SBNO1: variants seen among roughly 807,000 people sequenced by gnomAD.
SBNO1 encodes protein strawberry notch homolog 1.
In SBNO1, 23 loss-of-function variants were observed where a neutral mutation model predicts 173.6. That is an observed-to-expected ratio of 0.13 (90% confidence interval 0.10 to 0.19). The LOEUF is 0.19. Among genes scored for constraint, SBNO1 ranks in the 10% least tolerant of loss-of-function variants. SBNO1 has a pLI of 1.00. For missense variants in SBNO1, 1,238 were observed against 1,671.2 expected, an observed-to-expected ratio of 0.74 and a Z score of 4.52; for synonymous variants, 632 against 571.5, an observed-to-expected ratio of 1.11 and a Z score of -1.51.
At chr12:123,342,359 G>C (rs1045357664) in intron 4 of SBNO1, among the ~76,000 whole-genome samples, 1 of 152,056 alleles carries the variant, frequency 6.6e-6, no homozygotes, top group Non-Finnish European at 1.5e-5. Context: ...GCTGAGGCAG[G>C]AGAATGGCAT....
intron 20 of SBNO1, 33 bp downstream of exon 20, chr12:123,319,864 GTTC>G (rs771559700): frequency 5.9e-5 from 94 of 1,597,942 alleles, no homozygotes; most frequent in Non-Finnish European, 7.7e-5. Context: ...TACAGGCATT[GTTC>G]TTTTCACTGA....
At chr12:123,314,602 C>CA (rs1424822681) in intron 23 of SBNO1, among the ~76,000 whole-genome samples, 1 of 151,720 alleles carries the variant, frequency 6.6e-6, no homozygotes, top group Non-Finnish European at 1.5e-5. Flanking sequence ...TGCTGGATTA[C>CA]AGGCGTGAGC....
chr12:123,319,203 G>A (rs377059866), intron 20 of SBNO1, among the ~76,000 whole-genome samples: 1 of 152,034 alleles, frequency 6.6e-6, no homozygotes, highest in Admixed American at 6.6e-5. Context: ...CTGACCTCAT[G>A]ATCTGCCCAT....
chr12:123,343,677 A>C (rs1185565919), intron 4 of SBNO1, among the ~76,000 whole-genome samples: 1 of 151,830 alleles, frequency 6.6e-6, no homozygotes, highest in African/African-American at 2.4e-5. Context: ...AGCTGGAATT[A>C]CAGGTGCCCA....
At chr12:123,348,757 C>T (rs1873522456) in intron 2 of SBNO1, among the ~76,000 whole-genome samples, 1 of 151,754 alleles carries the variant, frequency 6.6e-6, no homozygotes, top group African/African-American at 2.4e-5. Flanking sequence ...CAGAGCGAGA[C>T]TCGGTCTCAA....
At chr12:123,348,951 C>A (rs1873552339) in intron 2 of SBNO1, 1 of 146,998 alleles carries the variant, frequency 6.8e-6, no homozygotes, top group African/African-American at 2.5e-5. Flanking sequence ...CAGAGTGAGA[C>A]TCTGTCTCAA....
Position 123,345,349 on chromosome 12 carries a change from CTGAACT to C in SBNO1, c.453_458del (p.Val152_Gln153del). ...TATTATTTTTCAGTAGATCTTTAAG[CTGAACT>C]TGGTCTTTTGAAGGTGCAGAGGTCA... On this transcript the variant is annotated inframe_deletion, in exon 4 of 32. Coordinates refer to ENST00000602398, the MANE Select transcript of SBNO1 (RefSeq NM_001167856.3). 7 of 1,614,102 alleles carry C rather than the reference CTGAACT, an allele frequency of 4.3e-6. No individual in the cohort carries two copies. The highest frequency in any genetic ancestry group is 5.9e-6 in the Non-Finnish European group (7 of 1,179,990).
rs373965053 is a variant in SBNO1 at position 123,300,313 on chromosome 12, G to C, written c.3846-2142C>G. Among the ~76,000 whole-genome samples, 14 of 152,218 alleles carry C rather than the reference G, an allele frequency of 9.2e-5. No homozygotes were observed. In the East Asian group the frequency reaches 1.7e-3, roughly 19 times the overall value. ...CGGCCTCAAGCAATCCTCTCATCTT[G>C]ATCTCCCAAAGTGCTAGGAGCCACT... On this transcript the variant is annotated intron_variant, in intron 30 of 31. Transcript: ENST00000602398.
intron 5 of SBNO1, among the ~76,000 whole-genome samples, chr12:123,338,464 C>T (rs1049970299): frequency 1.3e-5 from 2 of 151,668 alleles, no homozygotes; most frequent in African/African-American, 2.4e-5. Context: ...GGGTGAATCA[C>T]GAGGTCAGGA....
At chr12:123,329,979 T>C (rs1234799148) in intron 9 of SBNO1, among the ~76,000 whole-genome samples, 1 of 152,202 alleles carries the variant, frequency 6.6e-6, no homozygotes, top group Non-Finnish European at 1.5e-5. Context: ...CTCAAGTCCA[T>C]TAGCTGTACA....
chr12:123,321,089 G>A (rs1035914488), intron 17 of SBNO1, among the ~76,000 whole-genome samples: 1 of 152,198 alleles, frequency 6.6e-6, no homozygotes, highest in Admixed American at 6.5e-5. Context: ...ACAGGTATGT[G>A]CCACCACACC....
At chr12:123,315,483 C>T in intron 22 of SBNO1, 39 bp from the exon 23 acceptor site, 1 of 1,591,968 alleles carries the variant, frequency 6.3e-7, no homozygotes, top group Non-Finnish European at 8.6e-7. Flanking sequence ...CACAGGTAAC[C>T]TTTTACCAGA....
chr12:123,315,118 C>T (rs1402400372), intron 23 of SBNO1, among the ~76,000 whole-genome samples: 1 of 152,196 alleles, frequency 6.6e-6, no homozygotes, highest in African/African-American at 2.4e-5. Context: ...TCCTTTGCTT[C>T]TGAGAACTCA....
At chr12:123,312,653 C>A (rs1303925126) in intron 24 of SBNO1, among the ~76,000 whole-genome samples, 2 of 151,100 alleles carry the variant, frequency 1.3e-5, no homozygotes, top group African/African-American at 4.9e-5. Flanking sequence ...GGAGGTTGCA[C>A]TGAGCCAAGA....
In SBNO1 at chr12:123,299,613, G is replaced by A. The variant is rs563174220; in HGVS notation, c.3846-1442C>T. 7.6e-4 allele frequency among the ~76,000 whole-genome samples: 112 copies of A among 146,900 alleles called. 1 individual carries two copies. Among genetic ancestry groups the A allele is most frequent in the Admixed American group, 2.2e-3 (30 of 13,636 alleles). On this transcript the variant is annotated intron_variant, in intron 30 of 31. Transcript: ENST00000602398. ...GAAGAATGGCGTAAACCTCAGAGGCGGAGCTTGCAGTGAGCCAAGATCAGG... is the reference window on the plus strand; with the variant it reads ...GAAGAATGGCGTAAACCTCAGAGGCAGAGCTTGCAGTGAGCCAAGATCAGG...
intron 5 of SBNO1, among the ~76,000 whole-genome samples, chr12:123,338,730 G>A (rs1872154958): frequency 6.6e-6 from 1 of 151,866 alleles, no homozygotes; most frequent in South Asian, 2.1e-4. Flanking sequence ...TGGGTGTGGT[G>A]GTGGTGGTGG....
chr12:123,341,807 C>T (rs1872601398), intron 4 of SBNO1, among the ~76,000 whole-genome samples: 1 of 150,208 alleles, frequency 6.7e-6, no homozygotes. Flanking sequence ...GGATTACAGG[C>T]GTGAGCCACC....
chr12:123,333,012 T>TAA (rs1743141810), intron 7 of SBNO1, among the ~76,000 whole-genome samples: 1 of 151,914 alleles, frequency 6.6e-6, no homozygotes, highest in Non-Finnish European at 1.5e-5. Context: ...TAGTCCCAGC[T>TAA]ACTCGGGAGG....
At chr12:123,356,332 C>G (rs1425826136) in intron 1 of SBNO1, among the ~76,000 whole-genome samples, 1 of 152,138 alleles carries the variant, frequency 6.6e-6, no homozygotes. Flanking sequence ...AGTATTTCAT[C>G]CAAAAAAGAT....
Sources: gnomAD v4.1 joint callset for allele counts (sites outside exome capture counted in the v4.1 genomes callset) on GRCh38, gnomAD v4.1.1 for gene constraint, MANE v1.5 for transcripts, NCBI Gene and HGNC (gene_info 2026-07-23, HGNC 2026-07-21) for gene names.